CACHD1: variants seen among roughly 807,000 people sequenced by gnomAD.
CACHD1 encodes VWFA and cache domain-containing protein 1.
In CACHD1, 71 loss-of-function variants were observed where a neutral mutation model predicts 138.7. The ratio of observed to expected loss-of-function variants is 0.51; its 90% CI spans 0.42 to 0.62. The LOEUF (loss-of-function observed/expected upper bound fraction) is 0.62, where lower values mean the gene tolerates loss of function less well. Ranked by LOEUF, CACHD1 falls within the 20% of genes least tolerant of loss-of-function variation. CACHD1 has a pLI of 0.00. For synonymous variants in CACHD1, 578 were observed against 591.5 expected (o/e 0.98, Z 0.33); for missense variants, 1,389 against 1,625.3 (o/e 0.85, Z 2.50).
At chr1:64,652,042 C>T (rs1468375246) in intron 9 of CACHD1, 119 bp from the exon 10 acceptor site, 3 of 885,722 alleles carry the variant, frequency 3.4e-6, no homozygotes, top group Non-Finnish European at 5.0e-6. Flanking sequence ...GGAAACTTTT[C>T]TTCCAAACAA....
At chr1:64,479,861 G>A (rs183715278) in intron 1 of CACHD1, among the ~76,000 whole-genome samples, 84 of 152,316 alleles carry the variant, frequency 5.5e-4, no homozygotes, top group Middle Eastern at 6.8e-3. Context: ...TTGTGCCCAA[G>A]TTCCTTGTAT....
intron 2 of CACHD1, among the ~76,000 whole-genome samples, chr1:64,550,944 T>C (rs1056216938): frequency 5.9e-5 from 9 of 152,238 alleles, no homozygotes; most frequent in Non-Finnish European, 1.5e-5. Context: ...CTGAAAATTA[T>C]TTTATCTGAT....
At chr1:64,551,491 G>T (rs891382664) in intron 2 of CACHD1, among the ~76,000 whole-genome samples, 1 of 152,110 alleles carries the variant, frequency 6.6e-6, no homozygotes, top group Non-Finnish European at 1.5e-5. Context: ...TTTGAAGCTA[G>T]GTTTGAAACT....
intron 2 of CACHD1, among the ~76,000 whole-genome samples, chr1:64,576,907 GT>G (rs71056056): frequency 4.8e-4 from 67 of 141,032 alleles, no homozygotes; most frequent in Admixed American, 7.1e-4. Flanking sequence ...TTGTTTGTTT[GT>G]TTTTTTTTTT....
chr1:64,626,345 C>G (rs974371043), intron 4 of CACHD1, among the ~76,000 whole-genome samples: 2 of 152,148 alleles, frequency 1.3e-5, no homozygotes, highest in African/African-American at 4.8e-5. Context: ...AAATATTTGC[C>G]ATAGATCAAA....
Position 64,582,312 on chromosome 1 carries a change from T to G in CACHD1, c.410+8T>G. The G allele has an allele frequency of 1.2e-6, 2 of 1,609,720 alleles. No homozygotes were observed. Among genetic ancestry groups the G allele is most frequent in the Non-Finnish European group, 1.7e-6 (2 of 1,177,812 alleles). ...CCCACCTTCCATGATGGAGTAAGAC[T>G]TTAAAACTTTTTGTTGTTGTATAAA... On this transcript the variant is annotated splice_region_variant and intron_variant, in intron 3 of 26. Coordinates refer to ENST00000651257, the MANE Select transcript of CACHD1 (RefSeq NM_020925.4).
At chr1:64,665,409 A>C (rs1407759726) in intron 15 of CACHD1, among the ~76,000 whole-genome samples, 1 of 152,108 alleles carries the variant, frequency 6.6e-6, no homozygotes, top group Non-Finnish European at 1.5e-5. Flanking sequence ...TCAGTGAGCC[A>C]AGATCACACC....
At chr1:64,661,722 G>T (rs1347916508) in intron 13 of CACHD1, among the ~76,000 whole-genome samples, 1 of 152,138 alleles carries the variant, frequency 6.6e-6, no homozygotes, top group Non-Finnish European at 1.5e-5. Flanking sequence ...ACAGCATGCT[G>T]CTAGGCACCC....
chr1:64,501,620 A>T (rs1406738434), intron 1 of CACHD1, among the ~76,000 whole-genome samples: 1 of 152,250 alleles, frequency 6.6e-6, no homozygotes, highest in Non-Finnish European at 1.5e-5. Flanking sequence ...TGGTGAAATT[A>T]CTTCTACTTC....
intron 8 of CACHD1, among the ~76,000 whole-genome samples, chr1:64,642,855 A>G (rs1394009896): frequency 1.3e-5 from 2 of 150,522 alleles, no homozygotes; most frequent in Non-Finnish European, 1.5e-5. Context: ...CCTGGCCAAC[A>G]ATGTGAAACC....
At chr1:64,582,105 T>C in intron 2 of CACHD1, 51 bp from the exon 3 acceptor site, 1 of 1,569,894 alleles carries the variant, frequency 6.4e-7, no homozygotes, top group Non-Finnish European at 8.7e-7. Context: ...AAAAATACAA[T>C]GAGTTATTGT....
At chr1:64,685,395 G>A (rs1355589980) in intron 26 of CACHD1, among the ~76,000 whole-genome samples, 1 of 152,162 alleles carries the variant, frequency 6.6e-6, no homozygotes, top group Non-Finnish European at 1.5e-5. Context: ...TTCTCATAAT[G>A]TATCTCTGTC....
At chr1:64,471,404 CCGCGTCCT>C (rs976252659) in intron 1 of CACHD1, among the ~76,000 whole-genome samples, 16 of 152,246 alleles carry the variant, frequency 1.1e-4, no homozygotes, top group African/African-American at 9.6e-5. Flanking sequence ...ACCCCCTTGA[CCGCGTCCT>C]CGCGTCCTCG....
At chr1:64,473,560 A>C (rs769585992) in intron 1 of CACHD1, among the ~76,000 whole-genome samples, 9 of 151,326 alleles carry the variant, frequency 5.9e-5, no homozygotes, top group Non-Finnish European at 1.3e-4. Context: ...CTTCCTACGA[A>C]GATGGTCAGG....
intron 1 of CACHD1, among the ~76,000 whole-genome samples, chr1:64,491,294 T>C (rs949114436): frequency 2.6e-5 from 4 of 152,044 alleles, no homozygotes. Context: ...TCTCCCTCTG[T>C]TTTACTCTGT....
At chr1:64,583,712 G>A (rs1412670107) in intron 3 of CACHD1, among the ~76,000 whole-genome samples, 1 of 152,176 alleles carries the variant, frequency 6.6e-6, no homozygotes, top group East Asian at 1.9e-4. Context: ...GGCTGGGGAG[G>A]CCTCACAATC....
At chr1:64,537,507 A>T (rs962454435) in intron 1 of CACHD1, among the ~76,000 whole-genome samples, 1 of 152,170 alleles carries the variant, frequency 6.6e-6, no homozygotes, top group African/African-American at 2.4e-5. Context: ...CAGTTTGTTG[A>T]GACTGGGAGC....
intron 1 of CACHD1, among the ~76,000 whole-genome samples, chr1:64,525,241 T>C (rs2100386080): frequency 6.6e-6 from 1 of 152,284 alleles, no homozygotes; most frequent in South Asian, 2.1e-4. Context: ...AAGAATGACA[T>C]TGAGAAATTA....
At chr1:64,647,729 C>A in intron 8 of CACHD1, 72 bp from the exon 9 acceptor site, 1 of 1,322,848 alleles carries the variant, frequency 7.6e-7, no homozygotes, top group Non-Finnish European at 1.1e-6. Flanking sequence ...CGTATTTGAT[C>A]TAAATGGCAA....
Sources: allele counts gnomAD v4.1 joint callset (sites outside exome capture counted in the v4.1 genomes callset), GRCh38; gene constraint gnomAD v4.1.1; transcripts MANE v1.5; gene names NCBI Gene and HGNC (gene_info 2026-07-23, HGNC 2026-07-21).